Variants in UGT2B11 observed in about 807,000 individuals in gnomAD.
UGT2B11 encodes the protein UDP glucuronosyltransferase family 2 member B11, also known as UDP-glucuronosyltransferase 2B11.
UGT2B11 carries 49 observed loss-of-function variants against 51.7 expected under a neutral mutation model. The ratio of observed to expected loss-of-function variants is 0.95; its 90% CI spans 0.75 to 1.20. The LOEUF (loss-of-function observed/expected upper bound fraction) is 1.20, where lower values mean the gene tolerates loss of function less well. Ranked by LOEUF, UGT2B11 falls within the 50% of genes most tolerant of loss-of-function variation. The probability of loss-of-function intolerance (pLI) is 0.00; values close to 1 mark genes in which losing one functional copy is unlikely to be tolerated. For missense variants in UGT2B11, 810 were observed against 622.1 expected (o/e 1.30, Z -3.21); for synonymous variants, 273 against 209.0 (o/e 1.31, Z -2.64).
chr4:69,200,935 G>A lies in UGT2B11; in HGVS notation c.1311-216C>T, dbSNP rs575658487. 1.7e-4 allele frequency among the ~76,000 whole-genome samples: 26 copies of A among 151,372 alleles called. No individual in the cohort carries two copies. The South Asian group carries it at 4.8e-3, about 28-fold the overall frequency. ...AACATTTTTAAAGCAGAAATGGAAG[G>A]TCAGGTGAGAAAGTTAATTTTTTTC... is the stretch of plus-strand genomic sequence containing the variant. On this transcript the variant is annotated intron_variant, in intron 5 of 5. Transcript: ENST00000446444.
chr4:69,213,040 A>G (rs1426855763), intron 1 of UGT2B11, among the ~76,000 whole-genome samples: 3 of 151,442 alleles, frequency 2.0e-5, no homozygotes, highest in African/African-American at 7.3e-5. Context: ...CAATAGTTGC[A>G]TATAGATATT....
At chr4:69,213,515 A>G (rs527866134) in intron 1 of UGT2B11, among the ~76,000 whole-genome samples, 1 of 151,778 alleles carries the variant, frequency 6.6e-6, no homozygotes, top group Non-Finnish European at 1.5e-5. Context: ...TGTAGACATT[A>G]TCTCTCTCTA....
In UGT2B11 at chr4:69,212,671, T is replaced by C. The variant is rs1056351541; in HGVS notation, c.772A>G (p.Met258Val). The C allele has an allele frequency of 1.2e-6, 2 of 1,610,428 alleles. No individual in the cohort carries two copies. The highest frequency in any genetic ancestry group is 2.7e-5 in the African/African-American group (2 of 74,636). Residue 258 changes from methionine to valine, a missense_variant, in exon 2 of 6, where the codon ATG becomes GTG. By Grantham distance (21) the Met-to-Val change is conservative (BLOSUM62 1). Coordinates refer to ENST00000446444, the MANE Select transcript of UGT2B11 (RefSeq NM_001073.3). ...AATTGAAAACTCCAGGAGTTTCGCA[T>C]AAGCCATATGTCAGCTTTTCCCATT... is the stretch of plus-strand genomic sequence containing the variant. ...ETMGKADIWL[M>V]RNSWSFQFPH...
At chr4:69,219,817 C>T in the UGT2B11 span, among the ~76,000 whole-genome samples, 1 of 152,172 alleles carries the variant, frequency 6.6e-6, no homozygotes, top group Non-Finnish European at 1.5e-5. Flanking sequence ...ATAGGAGCTA[C>T]AATTCCAGAT....
In UGT2B11 at chr4:69,214,617, A is replaced by C; in HGVS notation, c.106T>G (p.Trp36Gly). The C allele has an allele frequency of 6.2e-7, 1 of 1,613,272 alleles. No individual in the cohort carries two copies. The highest frequency in any genetic ancestry group is 1.1e-5 in the South Asian group (1 of 91,062). The change falls in exon 1 of 6, where the codon TGG becomes GGG. Residue 36 changes from tryptophan (W) to glycine (G), a missense_variant. By Grantham distance (184) the Trp-to-Gly change is radical. Coordinates refer to ENST00000446444, the MANE Select transcript of UGT2B11 (RefSeq NM_001073.3). ...VLVWAAEYSH[W>G]MNMKTILKEL... ...TTCAGGATTGTCTTCATATTCATCC[A>C]ATGGCTGTATTCTGCGGCCCACACC... is the stretch of plus-strand genomic sequence containing the variant.
the UGT2B11 span, among the ~76,000 whole-genome samples, chr4:69,223,784 T>TAA: frequency 6.6e-6 from 1 of 152,142 alleles, no homozygotes. Flanking sequence ...GCCCCTCTCT[T>TAA]ACGGTGGTCC....
chr4:69,218,847 G>C (rs958781193), upstream of UGT2B11, among the ~76,000 whole-genome samples: 1 of 152,128 alleles, frequency 6.6e-6, no homozygotes, highest in African/African-American at 2.4e-5. Flanking sequence ...AAAAGTCCCT[G>C]GATTTTGTCT....
chr4:69,202,958 C>G (rs1413623034), intron 5 of UGT2B11, among the ~76,000 whole-genome samples: 2 of 151,550 alleles, frequency 1.3e-5, no homozygotes, highest in African/African-American at 2.4e-5. Context: ...TTGATGGTAG[C>G]TGGACTCCGC....
chr4:69,222,181 T>C, the UGT2B11 span, among the ~76,000 whole-genome samples: 3 of 152,266 alleles, frequency 2.0e-5, no homozygotes, highest in East Asian at 1.9e-4. Context: ...GGTTTAATAA[T>C]ATCTCTAAAT....
chr4:69,214,709 C>T lies in UGT2B11; in HGVS notation c.14G>A (p.Trp5Ter), dbSNP rs772574972. The change falls in exon 1 of 6, where the codon TGG becomes TAG. Residue 5 changes from tryptophan (W) to a stop codon, truncating the protein, a stop_gained. Coordinates refer to ENST00000446444, the MANE Select transcript of UGT2B11 (RefSeq NM_001073.3). LOFTEE classifies it high-confidence loss of function. MTLK[W>*]TSVLLLIHLS... The stretch of plus-strand genomic sequence containing the variant: ...ATGTATCAGCAGAAGAACTGAAGTC[C>T]ATTTCAGAGTCATCCTGGTGCAATG... The T allele has an allele frequency of 3.6e-5, 58 of 1,612,162 alleles. No homozygotes were observed. The highest frequency in any genetic ancestry group is 1.7e-4 in the Middle Eastern group (1 of 6,060).
At chr4:69,212,208 G>A (rs1453127243) in intron 2 of UGT2B11, among the ~76,000 whole-genome samples, 6 of 151,502 alleles carry the variant, frequency 4.0e-5, no homozygotes, top group Admixed American at 6.6e-5. Context: ...ATGTGGGGAC[G>A]GAAACTGTGT....
chr4:69,207,506 CCTG>C (rs2109946592), intron 3 of UGT2B11, among the ~76,000 whole-genome samples: 3 of 151,602 alleles, frequency 2.0e-5, no homozygotes, highest in Non-Finnish European at 3.0e-5. Flanking sequence ...AACCTGTTCC[CCTG>C]CCTCTCTTCC....
intron 4 of UGT2B11, 69 bp from the exon 5 acceptor site, chr4:69,204,718 A>G: frequency 1.2e-6 from 2 of 1,606,644 alleles, no homozygotes; most frequent in South Asian, 2.2e-5. Flanking sequence ...AAAGGTTCTG[A>G]AAGTGACAGT....
intron 5 of UGT2B11, chr4:69,201,394 T>C (rs1157765716): frequency 6.6e-6 from 1 of 151,926 alleles, no homozygotes; most frequent in Non-Finnish European, 1.5e-5. Flanking sequence ...TGTCAGACTA[T>C]GGCACTCTTC....
chr4:69,201,051 G>T, intron 5 of UGT2B11: 1 of 170,052 alleles, frequency 5.9e-6, no homozygotes, highest in Non-Finnish European at 1.3e-5. Flanking sequence ...TATTTATAGG[G>T]TACATGAGAT....
At chr4:69,208,164 G>T (rs1471887677) in intron 3 of UGT2B11, among the ~76,000 whole-genome samples, 187 bp downstream of exon 3, 5 of 151,374 alleles carry the variant, frequency 3.3e-5, no homozygotes, top group Non-Finnish European at 7.4e-5. Context: ...ACTCCCCCAG[G>T]GCCACATGTA....
upstream of UGT2B11, among the ~76,000 whole-genome samples, chr4:69,218,947 G>C (rs1722340146): frequency 6.6e-6 from 1 of 152,106 alleles, no homozygotes; most frequent in Admixed American, 6.6e-5. Context: ...CAGAATTCCA[G>C]ATGTCTATAG....
In UGT2B11 at chr4:69,200,466, T is replaced by G. The variant is rs1721608761; in HGVS notation, c.1564A>C (p.Lys522Gln). Residue 522 changes from lysine (K) to glutamine (Q), a missense_variant, in exon 6 of 6, where the codon AAA becomes CAA. Lys to Gln is a moderately conservative substitution (Grantham distance 53). Transcript: ENST00000446444. ...CLFCFWKFAR[K>Q]GKKGKRD ...TAATCTCTTTTTCCCTTCTTCCCTT[T>G]TCTAGCAAACTTCCAGAAACAAAAC... 6.2e-7 allele frequency: 1 copy of G among 1,611,804 alleles called. No homozygotes were observed. The highest frequency in any genetic ancestry group is 8.5e-7 in the Non-Finnish European group (1 of 1,178,654).
intron 3 of UGT2B11, among the ~76,000 whole-genome samples, chr4:69,207,467 C>G (rs914304241): frequency 1.6e-4 from 25 of 151,642 alleles, no homozygotes; most frequent in African/African-American, 5.8e-4. Flanking sequence ...AAAATATATT[C>G]CTACTATGTT....
Sources: gnomAD v4.1 joint callset for allele counts (sites outside exome capture counted in the v4.1 genomes callset) on GRCh38, gnomAD v4.1.1 for gene constraint, MANE v1.5 for transcripts, NCBI Gene and HGNC (gene_info 2026-07-23, HGNC 2026-07-21) for gene names.